TMEM170B: variants seen among roughly 807,000 people sequenced by gnomAD.
TMEM170B encodes transmembrane protein 170B.
In TMEM170B, 6 loss-of-function variants were observed where a neutral mutation model predicts 13.0. The observed-to-expected ratio is 0.46, with a 90% CI of 0.25 to 0.91. The LOEUF (loss-of-function observed/expected upper bound fraction) is 0.91. Ranked by LOEUF, TMEM170B falls within the 40% of genes least tolerant of loss-of-function variation. The pLI, the probability that TMEM170B is intolerant of heterozygous loss-of-function variation, is 0.17. For synonymous variants in TMEM170B, 61 were observed against 64.9 expected (o/e 0.94, Z 0.29); for missense variants, 138 against 165.2 (o/e 0.84, Z 0.90).
chr6:11,545,058 A>G (rs1263565294), intron 1 of TMEM170B, among the ~76,000 whole-genome samples: 1 of 152,108 alleles, frequency 6.6e-6, no homozygotes, highest in Admixed American at 6.5e-5. Context: ...TTATTTAGAA[A>G]AGGGCAGGGT....
At chr6:11,557,783 C>G (rs1759609720) in intron 1 of TMEM170B, among the ~76,000 whole-genome samples, 1 of 152,216 alleles carries the variant, frequency 6.6e-6, no homozygotes, top group Non-Finnish European at 1.5e-5. Context: ...TCTCTATCAT[C>G]CAGGCCATCC....
Position 11,575,754 on chromosome 6 carries a change from T to C in TMEM170B, c.*193T>C. 3.6e-6 allele frequency: 2 copies of C among 554,484 alleles called. No individual in the cohort carries two copies. Among genetic ancestry groups the C allele is most frequent in the Admixed American group, 3.4e-5 (1 of 29,580 alleles). 34.3% of individuals were successfully genotyped at this position (554,484 alleles called of 1,614,324 possible). A position where few individuals can be genotyped will look rare whatever the true frequency, so the allele number is the denominator to read the frequency against. On this transcript the variant is annotated 3_prime_UTR_variant, in exon 3 of 3. Coordinates refer to ENST00000379426, the MANE Select transcript of TMEM170B (RefSeq NM_001100829.3). This position sits in a 1 kb window ranked among gnomAD's most constrained non-coding sequence, Gnocchi z 4.1. ...GTGATTGCACTACCGCACTGCACCTTATGTGCCTCTGTCTCAGGCAAGGTG... is the reference window on the plus strand; with the variant it reads ...GTGATTGCACTACCGCACTGCACCTCATGTGCCTCTGTCTCAGGCAAGGTG...
intron 1 of TMEM170B, among the ~76,000 whole-genome samples, chr6:11,542,301 A>G (rs552732441): frequency 1.3e-5 from 2 of 152,216 alleles, no homozygotes; most frequent in South Asian, 2.1e-4. Flanking sequence ...AGCTTCAACA[A>G]TATTTTTAAA....
chr6:11,542,869 C>T (rs747527063), intron 1 of TMEM170B, among the ~76,000 whole-genome samples: 1 of 152,170 alleles, frequency 6.6e-6, no homozygotes, highest in Non-Finnish European at 1.5e-5. Flanking sequence ...AGGCACTTTA[C>T]ATATATTATT....
intron 1 of TMEM170B, among the ~76,000 whole-genome samples, chr6:11,543,378 G>A (rs184883199): frequency 1.8e-3 from 281 of 152,270 alleles, no homozygotes; most frequent in African/African-American, 6.5e-3. Flanking sequence ...AAGTGTTTAA[G>A]CAACTCATAT....
At chr6:11,551,815 C>G (rs1176293143) in intron 1 of TMEM170B, among the ~76,000 whole-genome samples, 1 of 152,136 alleles carries the variant, frequency 6.6e-6, no homozygotes, top group Non-Finnish European at 1.5e-5. Context: ...GGAACCTGTT[C>G]ATGGGAGGGT....
rs980730736 is a variant in TMEM170B at position 11,580,919 on chromosome 6, G to A, written c.*5358G>A. ...TTTGAAATTGTATTGCATTTTGTGT[G>A]TGTGTGTGGTGACAGGTTTGCTCTT... On this transcript the variant is annotated 3_prime_UTR_variant, in exon 3 of 3. Coordinates refer to ENST00000379426, the MANE Select transcript of TMEM170B (RefSeq NM_001100829.3). The A allele has an allele frequency of 6.6e-6, 1 of 152,216 alleles. No homozygotes were observed. The highest frequency in any genetic ancestry group is 2.4e-5 in the African/African-American group (1 of 41,446). The allele number at this position is 152,216 out of a possible 1,614,324, so 9.4% of individuals were successfully genotyped here.
In TMEM170B at chr6:11,580,991, G is replaced by A. The variant is rs1444796275; in HGVS notation, c.*5430G>A. 10 of 152,146 alleles carry A rather than the reference G, an allele frequency of 6.6e-5. No individual in the cohort carries two copies. The highest frequency in any genetic ancestry group is 2.2e-4 in the African/African-American group (9 of 41,424). 9.4% of individuals were successfully genotyped at this position (152,146 alleles called of 1,614,324 possible). A position where few individuals can be genotyped will look rare whatever the true frequency, so the allele number is the denominator to read the frequency against. ...TGTGTAGGCAGTACAGTGTTGTTAGGGAGGTTGCTGAATTATCTAAAAATG... is the reference window on the plus strand; with the variant it reads ...TGTGTAGGCAGTACAGTGTTGTTAGAGAGGTTGCTGAATTATCTAAAAATG... On this transcript the variant is annotated 3_prime_UTR_variant, in exon 3 of 3. Transcript: ENST00000379426.
Position 11,578,769 on chromosome 6 carries a change from T to C in TMEM170B, c.*3208T>C, listed in dbSNP as rs190195807. 2 of 152,336 alleles carry C rather than the reference T, an allele frequency of 1.3e-5. No individual in the cohort carries two copies. Among genetic ancestry groups the C allele is most frequent in the Middle Eastern group, 3.4e-3 (1 of 294 alleles). The allele number at this position is 152,336 out of a possible 1,614,324, so 9.4% of individuals were successfully genotyped here. A position where few individuals can be genotyped will look rare whatever the true frequency, so the allele number is the denominator to read the frequency against. On this transcript the variant is annotated 3_prime_UTR_variant, in exon 3 of 3. Transcript: ENST00000379426. The stretch of plus-strand genomic sequence containing the variant: ...AAGTATAAGGGTTTTGTTTGTACTT[T>C]AAATGAGAGAAATAAAGAAATGAGT...
chr6:11,549,662 CAA>C (rs111556696), intron 1 of TMEM170B, among the ~76,000 whole-genome samples: 4 of 109,228 alleles, frequency 3.7e-5, no homozygotes, highest in Non-Finnish European at 3.8e-5. Flanking sequence ...GACTCCGTCT[CAA>C]AAAAAAAAAA....
rs1200821840 is a variant in TMEM170B, at chr6:11,577,596, G to T, written c.*2035G>T. On this transcript the variant is annotated 3_prime_UTR_variant, in exon 3 of 3. Transcript: ENST00000379426. ...AACATATGTTTATTTTATGATTTAAGAAAGTTATGGTAAAGTAATATGGAG... is the reference window on the plus strand; with the variant it reads ...AACATATGTTTATTTTATGATTTAATAAAGTTATGGTAAAGTAATATGGAG... 1 of 152,072 alleles carries T rather than the reference G, an allele frequency of 6.6e-6. No homozygotes were observed. Among genetic ancestry groups the T allele is most frequent in the African/African-American group, 2.4e-5 (1 of 41,444 alleles). 9.4% of individuals were successfully genotyped at this position (152,072 alleles called of 1,614,324 possible).
intron 2 of TMEM170B, among the ~76,000 whole-genome samples, chr6:11,573,345 A>G (rs905153348): frequency 1.3e-5 from 2 of 152,144 alleles, no homozygotes; most frequent in African/African-American, 4.8e-5. Flanking sequence ...AGTCATTCCA[A>G]CACCATTTAT....
At chr6:11,557,488 A>T (rs568941512) in intron 1 of TMEM170B, among the ~76,000 whole-genome samples, 15 of 152,336 alleles carry the variant, frequency 9.8e-5, no homozygotes, top group Admixed American at 9.2e-4. Context: ...CATATCCTGC[A>T]CATGCACCCC....
rs560290269 is a variant in TMEM170B at position 11,541,725 on chromosome 6, G to A, written c.97+3351G>A. Among the ~76,000 whole-genome samples, 68 of 152,256 alleles carry A rather than the reference G, an allele frequency of 4.5e-4. No individual in the cohort carries two copies. The Middle Eastern group carries it at 0.017, about 38-fold the overall frequency. On this transcript the variant is annotated intron_variant, in intron 1 of 2. Transcript: ENST00000379426. ...CTTTCAGCCTAACTCATCTTTGAAC[G>A]TGCCTTCCTCATTAAGCTTTATCAT... is the stretch of plus-strand genomic sequence containing the variant.
chr6:11,556,235 C>T (rs1472513933), intron 1 of TMEM170B, among the ~76,000 whole-genome samples: 2 of 152,092 alleles, frequency 1.3e-5, no homozygotes, highest in African/African-American at 4.8e-5. Context: ...TCCGTTAGAC[C>T]AATAGTGAGA....
intron 2 of TMEM170B, among the ~76,000 whole-genome samples, chr6:11,571,976 T>G (rs1328334066): frequency 6.6e-6 from 1 of 151,996 alleles, no homozygotes; most frequent in Non-Finnish European, 1.5e-5. Flanking sequence ...ATTAATCAGA[T>G]AGATAATATC....
chr6:11,565,565 A>G, intron 1 of TMEM170B, 101 bp from the exon 2 acceptor site: 1 of 1,224,746 alleles, frequency 8.2e-7, no homozygotes, highest in South Asian at 1.3e-5. Context: ...TCTATGTATT[A>G]TGTCATTTAA....
chr6:11,561,334 G>A (rs940286329), intron 1 of TMEM170B, among the ~76,000 whole-genome samples: 2 of 152,156 alleles, frequency 1.3e-5, no homozygotes, highest in African/African-American at 4.8e-5. Context: ...TATGAGTGGA[G>A]AGAGAAAACT....
intron 2 of TMEM170B, among the ~76,000 whole-genome samples, chr6:11,569,595 C>T (rs958149627): frequency 6.6e-6 from 1 of 152,158 alleles, no homozygotes; most frequent in Non-Finnish European, 1.5e-5. Context: ...AATGAATGCT[C>T]ATGGCCTGTT....
Sources: allele counts gnomAD v4.1 joint callset (sites outside exome capture counted in the v4.1 genomes callset), GRCh38; gene constraint gnomAD v4.1.1; non-coding constraint Gnocchi (gnomAD v3.1); transcripts MANE v1.5; gene names NCBI Gene and HGNC (gene_info 2026-07-23, HGNC 2026-07-21).